PRUNE2: variants seen among roughly 807,000 people sequenced by gnomAD.
PRUNE2 encodes the protein prune homolog 2 with BCH domain.
In PRUNE2, 164 loss-of-function variants were observed where a neutral mutation model predicts 252.0. That is an observed-to-expected ratio of 0.65 (90% CI 0.57 to 0.74). The LOEUF is 0.74. Ranked by LOEUF, PRUNE2 falls within the 30% of genes least tolerant of loss-of-function variation. PRUNE2 has a pLI of 0.00. For synonymous variants in PRUNE2, 1,292 were observed against 1,350.2 expected, an observed-to-expected ratio of 0.96 and a Z score of 0.94; for missense variants, 3,495 against 3,711.0, an observed-to-expected ratio of 0.94 and a Z score of 1.51.
chr9:76,669,528 C>T (rs1354283965), intron 9 of PRUNE2, among the ~76,000 whole-genome samples: 1 of 152,150 alleles, frequency 6.6e-6, no homozygotes, highest in Non-Finnish European at 1.5e-5. Flanking sequence ...CCATGTTGCC[C>T]AGGCTAGTCT....
At chr9:76,668,370 C>T (rs2040611695) in intron 9 of PRUNE2, among the ~76,000 whole-genome samples, 1 of 152,194 alleles carries the variant, frequency 6.6e-6, no homozygotes, top group African/African-American at 2.4e-5. Context: ...TCTTCCTTCC[C>T]TACATCATGC....
chr9:76,649,833 T>C (rs80319023), intron 11 of PRUNE2, among the ~76,000 whole-genome samples: 2,166 of 152,276 alleles, frequency 0.014, 32 homozygotes, highest in Middle Eastern at 0.051. Context: ...ATAAGCAAAA[T>C]TGCATTGTGA....
intron 9 of PRUNE2, among the ~76,000 whole-genome samples, chr9:76,684,457 T>A (rs1173113635): frequency 6.6e-6 from 1 of 152,178 alleles, no homozygotes; most frequent in Non-Finnish European, 1.5e-5. Flanking sequence ...TCCCTTCCTG[T>A]CTCAGTCTCA....
At position 76,703,462 on chromosome 9, in the gene PRUNE2, GACAGCCTGCAACGT is replaced by G. The variant is rs1300288415; in HGVS notation, c.8137_8150del (p.Thr2713HisfsTer3). 1.1e-5 allele frequency: 1 copy of G among 88,240 alleles called. No homozygotes were observed. The highest frequency in any genetic ancestry group is 1.5e-5 in the Non-Finnish European group (1 of 68,614). The allele number at this position is 88,240 out of a possible 1,614,324, so 5.5% of individuals were successfully genotyped here. ...GCATTTCCCATTCATTGTCATGGGT[GACAGCCTGCAACGT>G]AACTGCATCCGGGCCAGCCCTGCCT... On this transcript the variant is annotated frameshift_variant, in exon 9 of 19. Transcript: ENST00000376718. LOFTEE classifies it high-confidence loss of function.
intron 6 of PRUNE2, among the ~76,000 whole-genome samples, chr9:76,751,591 G>A (rs548847897): frequency 7.2e-5 from 11 of 152,118 alleles, no homozygotes; most frequent in Admixed American, 2.6e-4. Context: ...TTGTATCTTC[G>A]TGGGAAATGT....
At chr9:76,812,756 C>G (rs2057441778) in intron 6 of PRUNE2, among the ~76,000 whole-genome samples, 2 of 152,148 alleles carry the variant, frequency 1.3e-5, no homozygotes, top group Non-Finnish European at 2.9e-5. Flanking sequence ...TCAGCTCCAT[C>G]CCTCCCCAGA....
intron 6 of PRUNE2, among the ~76,000 whole-genome samples, chr9:76,753,637 A>G (rs549832212): frequency 4.6e-5 from 7 of 152,290 alleles, no homozygotes; most frequent in African/African-American, 1.7e-4. Flanking sequence ...GCCACGCTTC[A>G]GTAGTTTTTC....
chr9:76,800,913 T>A (rs2056507480), intron 6 of PRUNE2, among the ~76,000 whole-genome samples: 1 of 152,248 alleles, frequency 6.6e-6, no homozygotes, highest in Non-Finnish European at 1.5e-5. Flanking sequence ...TTAAAGCCCA[T>A]GTCCCATAAA....
intron 15 of PRUNE2, among the ~76,000 whole-genome samples, chr9:76,633,608 C>T (rs1490837305): frequency 2.0e-5 from 3 of 151,100 alleles, no homozygotes; most frequent in African/African-American, 7.3e-5. Flanking sequence ...TTCATCAGAA[C>T]ACAGCCACTT....
chr9:76,724,690 G>A (rs761196500), intron 6 of PRUNE2, among the ~76,000 whole-genome samples: 8 of 152,040 alleles, frequency 5.3e-5, no homozygotes, highest in Non-Finnish European at 8.8e-5. Flanking sequence ...TACTTGAATG[G>A]GGGAGTTTCA....
intron 12 of PRUNE2, chr9:76,642,001 T>TAAAAAAAAAAAAAAAAAAAAAAAAAAAG: frequency 2.0e-6 from 2 of 1,010,460 alleles, no homozygotes; most frequent in Admixed American, 3.4e-5. Context: ...ATAAGAGAAG[T>TAAAAAAAAAAAAAAAAAAAAAAAAAAAG]AAAAAAAAAA....
intron 9 of PRUNE2, among the ~76,000 whole-genome samples, chr9:76,682,723 G>A (rs951458043): frequency 6.6e-6 from 1 of 151,834 alleles, no homozygotes; most frequent in Non-Finnish European, 1.5e-5. Context: ...ACATATTTTG[G>A]GGAGTACATG....
chr9:76,671,059 C>T (rs1476446088), intron 9 of PRUNE2, among the ~76,000 whole-genome samples: 1 of 152,216 alleles, frequency 6.6e-6, no homozygotes, highest in African/African-American at 2.4e-5. Context: ...TGGAGAATGA[C>T]TTTGACGAGC....
intron 7 of PRUNE2, among the ~76,000 whole-genome samples, chr9:76,711,990 C>T (rs2046769855): frequency 6.6e-6 from 1 of 152,178 alleles, no homozygotes. Context: ...GAGGCCAGAA[C>T]TGGGTTACGG....
intron 1 of PRUNE2, among the ~76,000 whole-genome samples, chr9:76,902,526 G>A (rs1050619408): frequency 4.6e-5 from 7 of 152,108 alleles, no homozygotes; most frequent in East Asian, 1.9e-4. Context: ...ACTAGGAAGC[G>A]CCACTCTTTG....
intron 6 of PRUNE2, among the ~76,000 whole-genome samples, chr9:76,755,362 T>A (rs980348820): frequency 1.3e-5 from 2 of 151,458 alleles, no homozygotes; most frequent in Non-Finnish European, 2.9e-5. Flanking sequence ...GATAAACCGA[T>A]GGAGAGAGAG....
At chr9:76,799,326 A>T (rs1285941537) in intron 6 of PRUNE2, among the ~76,000 whole-genome samples, 1 of 146,260 alleles carries the variant, frequency 6.8e-6, no homozygotes. Flanking sequence ...GGAAAACAAG[A>T]GTGAAACTCT....
chr9:76,831,379 A>G (rs1292991565), intron 4 of PRUNE2, among the ~76,000 whole-genome samples: 1 of 152,224 alleles, frequency 6.6e-6, no homozygotes, highest in Non-Finnish European at 1.5e-5. Context: ...GAAGAAAAGA[A>G]AAACATTGGA....
chr9:76,673,885 G>C (rs1258601323), intron 9 of PRUNE2, among the ~76,000 whole-genome samples: 1 of 152,042 alleles, frequency 6.6e-6, no homozygotes, highest in African/African-American at 2.4e-5. Flanking sequence ...CAATAAATTA[G>C]GTATTGATGG....
Sources: allele counts gnomAD v4.1 joint callset (sites outside exome capture counted in the v4.1 genomes callset), GRCh38; gene constraint gnomAD v4.1.1; transcripts MANE v1.5; gene names NCBI Gene and HGNC (gene_info 2026-07-23, HGNC 2026-07-21).